VPS13A: variants seen among roughly 807,000 people sequenced by gnomAD.
The protein encoded by VPS13A is vacuolar protein sorting 13 homolog A, also known as intermembrane lipid transfer protein VPS13A.
VPS13A carries 264 observed loss-of-function variants against 390.9 expected under a neutral mutation model. The ratio of observed to expected loss-of-function variants is 0.68; its 90% CI spans 0.61 to 0.75. The LOEUF is 0.75. VPS13A is among the 30% of genes least tolerant of loss of function. VPS13A has a pLI of 0.00. For missense variants in VPS13A, 3,409 were observed against 3,733.9 expected, an observed-to-expected ratio of 0.91 and a Z score of 2.27; for synonymous variants, 1,231 against 1,227.1, an observed-to-expected ratio of 1.00 and a Z score of -0.07.
intron 6 of VPS13A, among the ~76,000 whole-genome samples, 174 bp from the exon 7 acceptor site, chr9:77,210,442 A>T (rs1220705209): frequency 7.1e-6 from 1 of 141,738 alleles, no homozygotes; most frequent in Non-Finnish European, 1.5e-5. Context: ...TAGAGGCAGG[A>T]TCTCACTGTG....
rs1473492172 is a variant in VPS13A at position 77,418,260 on chromosome 9, G to C, written c.*2254G>C. The C allele has an allele frequency of 1.3e-5, 2 of 149,886 alleles. No individual in the cohort carries two copies. Among genetic ancestry groups the C allele is most frequent in the Non-Finnish European group, 3.0e-5 (2 of 67,362 alleles). The allele number at this position is 149,886 out of a possible 1,614,324, so 9.3% of individuals were successfully genotyped here. On this transcript the variant is annotated 3_prime_UTR_variant, in exon 72 of 72. Transcript: ENST00000360280. ...GTTTGGTAGTGGCTATGGAATGAGA[G>C]GTGTTGAGTCTTGTGCCCCTTCCAT...
intron 1 of VPS13A, among the ~76,000 whole-genome samples, chr9:77,198,808 C>T (rs2131099955): frequency 6.6e-6 from 1 of 152,192 alleles, no homozygotes; most frequent in Non-Finnish European, 1.5e-5. Flanking sequence ...GGATTACAGG[C>T]ATGCACCATC....
intron 17 of VPS13A, among the ~76,000 whole-genome samples, chr9:77,234,389 A>G (rs1253345242): frequency 6.6e-6 from 1 of 152,282 alleles, no homozygotes. Flanking sequence ...TCTCTTGGTT[A>G]TGAGTTGCAT....
At chr9:77,183,025 C>T (rs1046270164) in intron 1 of VPS13A, among the ~76,000 whole-genome samples, 15 of 152,134 alleles carry the variant, frequency 9.9e-5, no homozygotes, top group African/African-American at 3.6e-4. Context: ...ATGATTCTTA[C>T]AGTCTGGTGT....
intron 37 of VPS13A, 29 bp from the exon 38 acceptor site, chr9:77,315,224 A>C: frequency 1.3e-6 from 2 of 1,590,732 alleles, no homozygotes; most frequent in Non-Finnish European, 1.7e-6. Flanking sequence ...TTACTCATAC[A>C]TAGGAATTGT....
intron 59 of VPS13A, among the ~76,000 whole-genome samples, chr9:77,363,642 G>A (rs1563961079): frequency 6.6e-6 from 1 of 151,706 alleles, no homozygotes; most frequent in Non-Finnish European, 1.5e-5. Context: ...TCTGACCTCA[G>A]GAAAACTCCT....
intron 29 of VPS13A, 111 bp downstream of exon 29, chr9:77,282,385 T>A: frequency 9.9e-7 from 1 of 1,014,792 alleles, no homozygotes; most frequent in Non-Finnish European, 1.4e-6. Context: ...CAGAATTCTG[T>A]TGCCTAGGTT....
intron 54 of VPS13A, among the ~76,000 whole-genome samples, chr9:77,354,676 T>A (rs1299659677): frequency 6.6e-6 from 1 of 152,180 alleles, no homozygotes; most frequent in Non-Finnish European, 1.5e-5. Context: ...TGGCGCACTC[T>A]ATATCCTAGA....
intron 34 of VPS13A, among the ~76,000 whole-genome samples, chr9:77,303,579 G>A (rs979926359): frequency 1.3e-5 from 2 of 152,112 alleles, no homozygotes; most frequent in African/African-American, 4.8e-5. Flanking sequence ...ACTGGCACCG[G>A]CCTCTGAGTT....
At chr9:77,404,773 A>ATCTT (rs1263756724) in intron 69 of VPS13A, among the ~76,000 whole-genome samples, 1 of 152,158 alleles carries the variant, frequency 6.6e-6, no homozygotes, top group Non-Finnish European at 1.5e-5. Context: ...AGGATAAAGG[A>ATCTT]TCTTTGAATC....
intron 67 of VPS13A, 49 bp from the exon 68 acceptor site, chr9:77,381,927 C>T (rs1482354597): frequency 3.2e-6 from 4 of 1,237,110 alleles, no homozygotes; most frequent in Non-Finnish European, 4.6e-6. Flanking sequence ...AGTTTATTTA[C>T]AAGTTTTTGA....
intron 35 of VPS13A, among the ~76,000 whole-genome samples, 189 bp from the exon 36 acceptor site, chr9:77,313,803 A>G (rs1362076805): frequency 6.6e-6 from 1 of 152,190 alleles, no homozygotes; most frequent in Non-Finnish European, 1.5e-5. Context: ...TAATATTCCC[A>G]AATTATTATG....
Position 77,315,309 on chromosome 9 carries a change from G to A in VPS13A, c.4469G>A (p.Arg1490Lys), listed in dbSNP as rs76077278. 8.2e-3 allele frequency: 13,268 copies of A among 1,613,932 alleles called. 538 individuals carry two copies. In the East Asian group the frequency reaches 0.12, roughly 15 times the overall value. ...DKKDMMDIKYRKVRDGCVTDA... is the reference protein window; with the variant it reads ...DKKDMMDIKYKKVRDGCVTDA... Reference sequence around the variant, plus strand: ...AAAGACATGATGGATATAAAGTACAGGAAAGTCAGAGATGGTTGTGTGACT... The same window carrying A: ...AAAGACATGATGGATATAAAGTACAAGAAAGTCAGAGATGGTTGTGTGACT... The change falls in exon 38 of 72, where the codon AGG becomes AAG. Residue 1490 changes from arginine (R) to lysine (K), a missense_variant. By Grantham distance (26) the Arg-to-Lys change is conservative. Transcript: ENST00000360280.
rs911637399 is a variant in VPS13A, at chr9:77,382,762, G to A, written c.9189+675G>A. 3.0e-6 allele frequency: 3 copies of A among 985,564 alleles called. No individual in the cohort carries two copies. The African/African-American group carries it at 5.2e-5, about 17-fold the overall frequency. 61.1% of individuals were successfully genotyped at this position (985,564 alleles called of 1,614,324 possible). ...TTCTAGTGTAGTCTTTATAAAACTT[G>A]TGGGATTTGATAAGCAGTTCACATG... On this transcript the variant is annotated intron_variant, in intron 68 of 71. Coordinates refer to ENST00000360280, the MANE Select transcript of VPS13A (RefSeq NM_033305.3).
chr9:77,334,041 A>G (rs895816441), intron 46 of VPS13A, among the ~76,000 whole-genome samples: 1 of 152,166 alleles, frequency 6.6e-6, no homozygotes, highest in African/African-American at 2.4e-5. Context: ...AAAGGGATTA[A>G]TGACTGACTC....
At chr9:77,227,510 C>T (rs765317325) in intron 16 of VPS13A, 25 bp downstream of exon 16, 24 of 1,495,402 alleles carry the variant, frequency 1.6e-5, no homozygotes, top group Non-Finnish European at 2.1e-5. Flanking sequence ...TGCCTTATAC[C>T]TTAGAATATA....
chr9:77,342,284 A>G (rs1201733599), intron 50 of VPS13A, among the ~76,000 whole-genome samples: 1 of 152,214 alleles, frequency 6.6e-6, no homozygotes. Flanking sequence ...TACGAAATCA[A>G]AAATGCTCCA....
chr9:77,188,494 A>T (rs1188262149), intron 1 of VPS13A, among the ~76,000 whole-genome samples: 1 of 152,004 alleles, frequency 6.6e-6, no homozygotes, highest in Non-Finnish European at 1.5e-5. Flanking sequence ...CATATACTGC[A>T]TTTTCTTTAT....
chr9:77,235,389 G>A lies in VPS13A; in HGVS notation c.1596-2613G>A, dbSNP rs183663109. Among the ~76,000 whole-genome samples the A allele has an allele frequency of 1.7e-3, 266 of 152,186 alleles. 2 individuals carry two copies. Among genetic ancestry groups the A allele is most frequent in the African/African-American group, 5.8e-3 (242 of 41,536 alleles). ...GATCTTGCTGCCTTTTGGACTGCAT[G>A]GTTTCTGAGGAGAAATTAGCTGTTA... On this transcript the variant is annotated intron_variant, in intron 17 of 71. Transcript: ENST00000360280.
Sources: allele counts gnomAD v4.1 joint callset (sites outside exome capture counted in the v4.1 genomes callset), GRCh38; gene constraint gnomAD v4.1.1; transcripts MANE v1.5; gene names NCBI Gene and HGNC (gene_info 2026-07-23, HGNC 2026-07-21).